UBA6: variants seen among roughly 807,000 people sequenced by gnomAD.
UBA6 encodes the protein ubiquitin like modifier activating enzyme 6, also known as ubiquitin-like modifier-activating enzyme 6.
In UBA6, 87 loss-of-function variants were observed where a neutral mutation model predicts 148.3. The observed-to-expected ratio is 0.59, with a 90% CI of 0.49 to 0.70. The LOEUF is 0.70. Among genes scored for constraint, UBA6 ranks in the 30% least tolerant of loss-of-function variants. The pLI is 0.00. For missense variants in UBA6, 1,186 were observed against 1,241.2 expected (o/e 0.96, Z 0.67); for synonymous variants, 376 against 401.0 (o/e 0.94, Z 0.75).
At chr4:67,633,637 T>C (rs1374390076) in intron 22 of UBA6, among the ~76,000 whole-genome samples, 164 bp from the exon 23 acceptor site, 1 of 152,168 alleles carries the variant, frequency 6.6e-6, no homozygotes, top group Non-Finnish European at 1.5e-5. Flanking sequence ...AACCTTTCTT[T>C]TCTTTTCTGT....
At chr4:67,694,361 T>C (rs770813825) in intron 2 of UBA6, among the ~76,000 whole-genome samples, 1 of 148,666 alleles carries the variant, frequency 6.7e-6, no homozygotes, top group Non-Finnish European at 1.5e-5. Context: ...TGTGTGAAAA[T>C]CTCACATTTT....
intron 2 of UBA6, among the ~76,000 whole-genome samples, chr4:67,692,094 A>G (rs974213968): frequency 6.6e-6 from 1 of 152,172 alleles, no homozygotes; most frequent in Non-Finnish European, 1.5e-5. Context: ...GATTTGTGCG[A>G]TTTTGGTGCA....
chr4:67,667,419 A>G (rs558676411), intron 9 of UBA6, among the ~76,000 whole-genome samples: 1 of 152,298 alleles, frequency 6.6e-6, no homozygotes, highest in African/African-American at 2.4e-5. Context: ...ACAAAATCAA[A>G]TAGTTTTGTT....
intron 10 of UBA6, among the ~76,000 whole-genome samples, chr4:67,664,314 A>C (rs148972109): frequency 5.3e-5 from 8 of 151,600 alleles, no homozygotes; most frequent in African/African-American, 1.7e-4. Context: ...AACAAATGAA[A>C]CCCCCCCTAA....
intron 13 of UBA6, among the ~76,000 whole-genome samples, chr4:67,652,277 A>G (rs1020335559): frequency 9.2e-5 from 14 of 152,210 alleles, no homozygotes; most frequent in Non-Finnish European, 1.6e-4. Context: ...AAAAACAGGC[A>G]AAGATTTCAA....
intron 32 of UBA6, among the ~76,000 whole-genome samples, chr4:67,621,442 T>A (rs1728747673): frequency 6.6e-6 from 1 of 152,200 alleles, no homozygotes; most frequent in Admixed American, 6.5e-5. Flanking sequence ...GATACAACAG[T>A]GACAAGATCA....
chr4:67,696,276 C>A (rs1730830704), intron 2 of UBA6, among the ~76,000 whole-genome samples: 1 of 151,980 alleles, frequency 6.6e-6, no homozygotes, highest in Non-Finnish European at 1.5e-5. Flanking sequence ...GCAGCAAAAT[C>A]CTTCTTAGTC....
chr4:67,684,526 T>C (rs1730513539), intron 2 of UBA6, among the ~76,000 whole-genome samples: 1 of 152,244 alleles, frequency 6.6e-6, no homozygotes, highest in South Asian at 2.1e-4. Context: ...TTAAATGCAA[T>C]GTGAATAGAT....
Position 67,630,451 on chromosome 4 carries a change from T to TA in UBA6, c.2328+14dup. On this transcript the variant is annotated intron_variant, in intron 26 of 32. Transcript: ENST00000322244. ...TGGTTTTGCATCACTTGCTAAGGCT[T>TA]AAAGAATATCTTACCTCTTCTGCAA... 2 of 1,566,746 alleles carry TA rather than the reference T, an allele frequency of 1.3e-6. No homozygotes were observed. The highest frequency in any genetic ancestry group is 1.7e-6 in the Non-Finnish European group (2 of 1,153,268).
chr4:67,662,091 T>A (rs924813340), intron 13 of UBA6, 98 bp downstream of exon 13: 4 of 1,205,734 alleles, frequency 3.3e-6, no homozygotes, highest in East Asian at 2.4e-5. Context: ...TGCCACAGAG[T>A]AGCAAAGCTG....
rs1247088636 is a variant in UBA6 at position 67,613,286 on chromosome 4, T to TAACC, written c.*5710_*5711insGGTT. On this transcript the variant is annotated 3_prime_UTR_variant, in exon 33 of 33. Transcript: ENST00000322244. ...TATTTCTAGTTTTTTCAAACAATAT[T>TAACC]GGTAAATAATTAAAGGTAACCAGGC... 1.4e-4 allele frequency: 21 copies of TAACC among 152,266 alleles called. No homozygotes were observed. In the East Asian group the frequency reaches 1.7e-3, roughly 13 times the overall value. The allele number at this position is 152,266 out of a possible 1,614,324, so 9.4% of individuals were successfully genotyped here. A position where few individuals can be genotyped will look rare whatever the true frequency, so the allele number is the denominator to read the frequency against.
At chr4:67,631,667 T>A in intron 25 of UBA6, 41 bp downstream of exon 25, 1 of 1,433,574 alleles carries the variant, frequency 7.0e-7, no homozygotes, top group Non-Finnish European at 9.6e-7. Context: ...AGTAAAGAAA[T>A]ATATAATGAA....
chr4:67,665,265 C>A lies in UBA6; in HGVS notation c.821G>T (p.Gly274Val). Reference protein sequence around the residue: ...TVISPFSFSIGDTTELEPYLH... With the variant: ...TVISPFSFSIVDTTELEPYLH... Reference sequence around the variant, plus strand: ...ATATGGTTCCAGTTCTGTGGTGTCACCAATACTAAAAGAAAATGGCGATAT... The same window carrying A: ...ATATGGTTCCAGTTCTGTGGTGTCAACAATACTAAAAGAAAATGGCGATAT... Residue 274 changes from glycine (G) to valine (V), a missense_variant, in exon 10 of 33, where the codon GGT (glycine) becomes GTT (valine). By Grantham distance (109) the Gly-to-Val change is moderately radical. Coordinates refer to ENST00000322244, the MANE Select transcript of UBA6 (RefSeq NM_018227.6). 6.2e-7 allele frequency: 1 copy of A among 1,601,236 alleles called. No individual in the cohort carries two copies. Among genetic ancestry groups the A allele is most frequent in the Non-Finnish European group, 8.5e-7 (1 of 1,176,294 alleles).
intron 9 of UBA6, among the ~76,000 whole-genome samples, chr4:67,666,289 C>T (rs1729994252): frequency 6.6e-6 from 1 of 151,722 alleles, no homozygotes; most frequent in African/African-American, 2.4e-5. Context: ...AAACCATTTG[C>T]TTATTCAAAA....
chr4:67,700,759 C>A (rs531947300), intron 1 of UBA6, among the ~76,000 whole-genome samples: 1 of 152,150 alleles, frequency 6.6e-6, no homozygotes, highest in African/African-American at 2.4e-5. Context: ...TCGACCGGAG[C>A]CCCCCAAGTC....
intron 13 of UBA6, among the ~76,000 whole-genome samples, chr4:67,650,600 T>G (rs1423323286): frequency 6.6e-6 from 1 of 152,142 alleles, no homozygotes; most frequent in East Asian, 1.9e-4. Context: ...ATTATAAATT[T>G]CAAATTACTT....
At position 67,663,934 on chromosome 4, in the gene UBA6, C is replaced by G; in HGVS notation, c.911G>C (p.Arg304Thr). ...AAGGCACTTTGGATGTTTTAACTGC[C>G]TCTCCAGTGATTCCTGATAGGAAGG... Reference protein sequence around the residue: ...PKTVFFESLERQLKHPKCLIV... With the variant: ...PKTVFFESLETQLKHPKCLIV... The change falls in exon 11 of 33, where the codon AGG becomes ACG. Residue 304 changes from arginine (R) to threonine (T), a missense_variant. By Grantham distance (71) the Arg-to-Thr change is moderately conservative (BLOSUM62 -1). Coordinates refer to ENST00000322244, the MANE Select transcript of UBA6 (RefSeq NM_018227.6). 3.7e-6 allele frequency: 6 copies of G among 1,612,834 alleles called. No individual in the cohort carries two copies. The highest frequency in any genetic ancestry group is 4.2e-6 in the Non-Finnish European group (5 of 1,179,420).
At chr4:67,675,487 T>C (rs1474748488) in intron 6 of UBA6, among the ~76,000 whole-genome samples, 2 of 152,192 alleles carry the variant, frequency 1.3e-5, no homozygotes, top group African/African-American at 4.8e-5. Flanking sequence ...TCCCAGCACT[T>C]TGGGAGGCCA....
intron 2 of UBA6, among the ~76,000 whole-genome samples, chr4:67,696,338 T>C (rs942479822): frequency 8.6e-5 from 13 of 151,810 alleles, no homozygotes; most frequent in Non-Finnish European, 1.5e-4. Flanking sequence ...CGAATGTAGA[T>C]AAAAAAAATC....
Sources: gnomAD v4.1 joint callset for allele counts (sites outside exome capture counted in the v4.1 genomes callset) on GRCh38, gnomAD v4.1.1 for gene constraint, MANE v1.5 for transcripts, NCBI Gene and HGNC (gene_info 2026-07-23, HGNC 2026-07-21) for gene names.